PLEKHG3: variants seen among roughly 807,000 people sequenced by gnomAD.
PLEKHG3 encodes the protein pleckstrin homology domain-containing family G member 3.
Under a neutral mutation model 94.9 loss-of-function variants are expected in PLEKHG3, and 62 were observed. That is an observed-to-expected ratio of 0.65 (90% CI 0.53 to 0.81). The LOEUF is 0.81. Among genes scored for constraint, PLEKHG3 ranks in the 30% least tolerant of loss-of-function variants. The pLI, the probability that PLEKHG3 is intolerant of heterozygous loss-of-function variation, is 0.00. For synonymous variants in PLEKHG3, 614 were observed against 654.0 expected, an observed-to-expected ratio of 0.94 and a Z score of 0.93; for missense variants, 1,461 against 1,619.3, an observed-to-expected ratio of 0.90 and a Z score of 1.68.
Position 64,742,052 on chromosome 14 carries a change from A to T in PLEKHG3, c.2535A>T (p.Pro845=), listed in dbSNP as rs770743823. The stretch of plus-strand genomic sequence containing the variant: ...CCAATGGCTTTGACCTGCATGAGCC[A>T]CTCTTCATCCTGGAGGAGCATGAGC... ...GQANGFDLHE[P]LFILEEHELG... The change falls in exon 16 of 17, where the codon CCA becomes CCT. Residue 845 remains proline, a synonymous_variant. Coordinates refer to ENST00000247226, the MANE Select transcript of PLEKHG3 (RefSeq NM_001308147.2). 6.2e-7 allele frequency: 1 copy of T among 1,602,564 alleles called. No individual in the cohort carries two copies. Among genetic ancestry groups the T allele is most frequent in the Admixed American group, 1.7e-5 (1 of 59,408 alleles).
chr14:64,705,265 C>T (rs946963678), intron 1 of PLEKHG3, among the ~76,000 whole-genome samples: 5 of 152,252 alleles, frequency 3.3e-5, no homozygotes, highest in Non-Finnish European at 7.3e-5. Flanking sequence ...ACCTCGTCCA[C>T]TCCTGAAGTC....
chr14:64,749,478 G>C lies in PLEKHG3; in HGVS notation c.*5775G>C. The C allele has an allele frequency of 1.3e-6, 2 of 1,599,302 alleles. No individual in the cohort carries two copies. The highest frequency in any genetic ancestry group is 1.7e-6 in the Non-Finnish European group (2 of 1,177,924). The stretch of plus-strand genomic sequence containing the variant: ...CAGCCAGGACAGCATCTCCTCCTGC[G>C]GGGCGGAGGGTCACGGTGGAGTCTG... On this transcript the variant is annotated 3_prime_UTR_variant, in exon 17 of 17. Transcript: ENST00000247226. The surrounding 1 kb of genome is among the most constrained non-coding windows in gnomAD (Gnocchi z 4.7).
rs1006291657 is a variant in PLEKHG3 at position 64,727,167 on chromosome 14, C to T, written c.-39-426C>T. Among the ~76,000 whole-genome samples the T allele has an allele frequency of 9.9e-5, 15 of 152,054 alleles. No individual in the cohort carries two copies. The highest frequency in any genetic ancestry group is 2.9e-5 in the Non-Finnish European group (2 of 68,008). ...TCATTTTACAGGTGAGGAGCTGAGGCTCTGAGGGACTAAGTACTGTGCCCC... is the reference window on the plus strand; with the variant it reads ...TCATTTTACAGGTGAGGAGCTGAGGTTCTGAGGGACTAAGTACTGTGCCCC... On this transcript the variant is annotated intron_variant, in intron 1 of 16. Transcript: ENST00000247226. This position sits in a 1 kb window ranked among gnomAD's most constrained non-coding sequence, Gnocchi z 6.0.
intron 1 of PLEKHG3, among the ~76,000 whole-genome samples, chr14:64,707,235 G>A (rs1397122864): frequency 6.6e-6 from 1 of 152,204 alleles, no homozygotes; most frequent in Admixed American, 6.5e-5. Context: ...GGAGCCCCCA[G>A]CGGACCTGGC....
Position 64,749,668 on chromosome 14 carries a change from G to A in PLEKHG3, c.*5965G>A. On this transcript the variant is annotated 3_prime_UTR_variant, in exon 17 of 17. Transcript: ENST00000247226. The surrounding 1 kb of genome is among the most constrained non-coding windows in gnomAD (Gnocchi z 4.7). The stretch of plus-strand genomic sequence containing the variant: ...CCCGCGCTTACCTCATCCTTGCCAT[G>A]GAAGAGCCACTCGCTGCCATTACTC... 1 of 1,613,848 alleles carries A rather than the reference G, an allele frequency of 6.2e-7. No individual in the cohort carries two copies. The highest frequency in any genetic ancestry group is 8.5e-7 in the Non-Finnish European group (1 of 1,179,960).
In PLEKHG3 at chr14:64,719,573, G is replaced by A. The variant is rs80247486; in HGVS notation, c.-39-8020G>A. 5.9e-3 allele frequency among the ~76,000 whole-genome samples: 905 copies of A among 152,214 alleles called. 12 individuals carry two copies. Among genetic ancestry groups the A allele is most frequent in the African/African-American group, 0.021 (855 of 41,526 alleles). Reference sequence around the variant, plus strand: ...TGGGGTCTGCCTGACTCCACAGCCTGTGGATGAGTTTACTGCATTTGACCT... The same window carrying A: ...TGGGGTCTGCCTGACTCCACAGCCTATGGATGAGTTTACTGCATTTGACCT... On this transcript the variant is annotated intron_variant, in intron 1 of 16. Coordinates refer to ENST00000247226, the MANE Select transcript of PLEKHG3 (RefSeq NM_001308147.2).
Position 64,716,136 on chromosome 14 carries a change from G to A in PLEKHG3, c.-40+11432G>A, listed in dbSNP as rs1401006437. 8 of 447,894 alleles carry A rather than the reference G, an allele frequency of 1.8e-5. No homozygotes were observed. Among genetic ancestry groups the A allele is most frequent in the Admixed American group, 4.8e-5 (2 of 41,624 alleles). 27.7% of individuals were successfully genotyped at this position (447,894 alleles called of 1,614,324 possible). ...CCAGGCCAGGGGATGGGAATGGGGT[G>A]GGATGGGGACTCTTTCAACTCCGGG... On this transcript the variant is annotated intron_variant, in intron 1 of 16. Transcript: ENST00000247226. This position sits in a 1 kb window ranked among gnomAD's most constrained non-coding sequence, Gnocchi z 5.0.
At position 64,731,188 on chromosome 14, in the gene PLEKHG3, G is replaced by A. The variant is rs572941139; in HGVS notation, c.849+19G>A. ...GCTCCAGGTGCTCTGGGGCTGGGAC[G>A]CTGGGGGAGGGGCAGGGCTGGGTGG... On this transcript the variant is annotated intron_variant, in intron 7 of 16. Coordinates refer to ENST00000247226, the MANE Select transcript of PLEKHG3 (RefSeq NM_001308147.2). This position sits in a 1 kb window ranked among gnomAD's most constrained non-coding sequence, Gnocchi z 6.1. 116 of 1,597,118 alleles carry A rather than the reference G, an allele frequency of 7.3e-5. 2 individuals are homozygous for A. In the South Asian group the frequency reaches 1.1e-3, roughly 15 times the overall value.
intron 16 of PLEKHG3, 54 bp downstream of exon 16, chr14:64,742,509 A>G (rs1277012544): frequency 3.0e-6 from 4 of 1,342,856 alleles, no homozygotes; most frequent in Non-Finnish European, 4.0e-6. Context: ...CTGAAGAGTC[A>G]ATAAGGAGCC....
chr14:64,741,405 G>A lies in PLEKHG3; in HGVS notation c.1888G>A (p.Gly630Arg), dbSNP rs143041330. The change falls in exon 16 of 17, where the codon GGG (glycine) becomes AGG (arginine). Residue 630 changes from glycine (G) to arginine (R), a missense_variant. Around this residue, in one of 3 missense-constraint regions of PLEKHG3, gnomAD observed 1,201 missense variants for 1,295.5 expected, o/e 0.93. Coordinates refer to ENST00000247226, the MANE Select transcript of PLEKHG3 (RefSeq NM_001308147.2). The stretch of plus-strand genomic sequence containing the variant: ...GGAGGACAGCAAGTCCAGTGGCTTT[G>A]GGAGCCCGCGGCTGGTCAGCCGGAG... The part of the protein sequence containing the change: ...AQEDSKSSGF[G>R]SPRLVSRSSS... 3.4e-4 allele frequency: 544 copies of A among 1,612,902 alleles called. No individual in the cohort carries two copies. The highest frequency in any genetic ancestry group is 4.5e-4 in the Non-Finnish European group (530 of 1,180,024).
At chr14:64,712,200 A>G (rs1424409076) in intron 1 of PLEKHG3, among the ~76,000 whole-genome samples, 2 of 152,118 alleles carry the variant, frequency 1.3e-5, no homozygotes, top group African/African-American at 4.8e-5. Flanking sequence ...CTGCCCTTAC[A>G]CCGGTACCAT....
At chr14:64,705,434 A>G (rs1371892216) in intron 1 of PLEKHG3, among the ~76,000 whole-genome samples, 1 of 152,172 alleles carries the variant, frequency 6.6e-6, no homozygotes, top group Non-Finnish European at 1.5e-5. Flanking sequence ...GAATGGTTGG[A>G]GGCTGGAGAG....
chr14:64,729,854 C>T (rs769184301), intron 3 of PLEKHG3, among the ~76,000 whole-genome samples: 8 of 152,142 alleles, frequency 5.3e-5, no homozygotes, highest in Non-Finnish European at 1.0e-4. Context: ...CCTGTCTCTC[C>T]CCATGTCCCA....
Position 64,726,864 on chromosome 14 carries a change from C to T in PLEKHG3, c.-39-729C>T, listed in dbSNP as rs551007448. On this transcript the variant is annotated intron_variant, in intron 1 of 16. Transcript: ENST00000247226. This position sits in a 1 kb window ranked among gnomAD's most constrained non-coding sequence, Gnocchi z 5.1. ...GGTTTGTGGTGAAGCCGCCGGTGCCCCTGAGGTTTTGCAGTCTTAGGGAGA... is the reference window on the plus strand; with the variant it reads ...GGTTTGTGGTGAAGCCGCCGGTGCCTCTGAGGTTTTGCAGTCTTAGGGAGA... 6.6e-6 allele frequency among the ~76,000 whole-genome samples: 1 copy of T among 152,244 alleles called. No individual in the cohort carries two copies. The highest frequency in any genetic ancestry group is 2.1e-4 in the South Asian group (1 of 4,822).
chr14:64,729,857 A>T (rs959985806), intron 3 of PLEKHG3, among the ~76,000 whole-genome samples: 1 of 152,088 alleles, frequency 6.6e-6, no homozygotes, highest in Non-Finnish European at 1.5e-5. Flanking sequence ...GTCTCTCCCC[A>T]TGTCCCACAT....
At position 64,742,054 on chromosome 14, in the gene PLEKHG3, T is replaced by TCTTC; in HGVS notation, c.2538_2541dup (p.Ile848LeufsTer7). On this transcript the variant is annotated frameshift_variant, in exon 16 of 17. Coordinates refer to ENST00000247226, the MANE Select transcript of PLEKHG3 (RefSeq NM_001308147.2). LOFTEE classifies it high-confidence loss of function. Reference sequence around the variant, plus strand: ...AATGGCTTTGACCTGCATGAGCCACTCTTCATCCTGGAGGAGCATGAGCTG... The same window carrying TCTTC: ...AATGGCTTTGACCTGCATGAGCCACTCTTCCTTCATCCTGGAGGAGCATGAGCTG... 1.2e-6 allele frequency: 2 copies of TCTTC among 1,604,022 alleles called. No homozygotes were observed. The highest frequency in any genetic ancestry group is 1.7e-6 in the Non-Finnish European group (2 of 1,174,526).
rs1566704670 is a variant in PLEKHG3, at chr14:64,730,005, A to C, written c.450-238A>C. Among the ~76,000 whole-genome samples the C allele has an allele frequency of 1.3e-5, 2 of 152,026 alleles. No homozygotes were observed. Among genetic ancestry groups the C allele is most frequent in the Non-Finnish European group, 2.9e-5 (2 of 68,000 alleles). On this transcript the variant is annotated intron_variant, in intron 3 of 16. Transcript: ENST00000247226. This position sits in a 1 kb window ranked among gnomAD's most constrained non-coding sequence, Gnocchi z 5.4. ...AGGTGGGTATGGGGGTCCCCTCTTC[A>C]TCTCCCTCTTGTTGAGCCTGTAGGT... is the stretch of plus-strand genomic sequence containing the variant.
At position 64,738,943 on chromosome 14, in the gene PLEKHG3, C is replaced by A; in HGVS notation, c.1518+88C>A. The A allele has an allele frequency of 1.2e-6, 1 of 805,008 alleles. No individual in the cohort carries two copies. The highest frequency in any genetic ancestry group is 2.1e-6 in the Non-Finnish European group (1 of 473,032). The allele number at this position is 805,008 out of a possible 1,614,324, so 49.9% of individuals were successfully genotyped here. On this transcript the variant is annotated intron_variant, in intron 15 of 16. Coordinates refer to ENST00000247226, the MANE Select transcript of PLEKHG3 (RefSeq NM_001308147.2). This position sits in a 1 kb window ranked among gnomAD's most constrained non-coding sequence, Gnocchi z 4.8. Reference sequence around the variant, plus strand: ...TGCAAATAGGGCTTTCAGGCACAGGCTCTCCCACTGGGCCCATGGGAACAG... The same window carrying A: ...TGCAAATAGGGCTTTCAGGCACAGGATCTCCCACTGGGCCCATGGGAACAG...
chr14:64,712,263 GC>G (rs1566690867), intron 1 of PLEKHG3, among the ~76,000 whole-genome samples: 1 of 152,026 alleles, frequency 6.6e-6, no homozygotes, highest in African/African-American at 2.4e-5. Context: ...GGTTGTATCA[GC>G]CCCCCAACTT....
Sources: allele counts gnomAD v4.1 joint callset (sites outside exome capture counted in the v4.1 genomes callset), GRCh38; gene constraint gnomAD v4.1.1; regional missense constraint gnomAD v4.1.1; non-coding constraint Gnocchi (gnomAD v3.1); transcripts MANE v1.5; gene names NCBI Gene and HGNC (gene_info 2026-07-23, HGNC 2026-07-21).